MYRIP: variants seen among roughly 807,000 people sequenced by gnomAD.
MYRIP encodes rab effector MyRIP.
MYRIP carries 49 observed loss-of-function variants against 98.0 expected under a neutral mutation model. That is an observed-to-expected ratio of 0.50 (90% CI 0.40 to 0.63). MYRIP has a LOEUF of 0.63. Ranked by LOEUF, MYRIP falls within the 30% of genes least tolerant of loss-of-function variation. MYRIP has a pLI of 0.00. For missense variants in MYRIP, 1,004 were observed against 1,058.2 expected (o/e 0.95, Z 0.71); for synonymous variants, 404 against 409.5 (o/e 0.99, Z 0.16).
intron 2 of MYRIP, among the ~76,000 whole-genome samples, chr3:39,926,665 G>C (rs1276512902): frequency 6.6e-6 from 1 of 151,826 alleles, no homozygotes; most frequent in Admixed American, 6.6e-5. Context: ...TCTATGTCTG[G>C]ATTTTCTATT....
At chr3:40,194,482 G>A (rs1402524629) in intron 10 of MYRIP, among the ~76,000 whole-genome samples, 2 of 151,820 alleles carry the variant, frequency 1.3e-5, no homozygotes, top group African/African-American at 4.8e-5. Context: ...GTTGCAATCT[G>A]GTGGATGGTC....
In MYRIP at chr3:40,038,111, C is replaced by T. The variant is rs145478667; in HGVS notation, c.111-5939C>T. ...TGAATACCAAGGAATTTATTTGAGA[C>T]GCTCTGATCAAAATGTTAAAAAAAA... On this transcript the variant is annotated intron_variant, in intron 2 of 16. Transcript: ENST00000302541. Among the ~76,000 whole-genome samples, 450 of 127,544 alleles carry T rather than the reference C, an allele frequency of 3.5e-3. 1 individual carries two copies. Among genetic ancestry groups the T allele is most frequent in the African/African-American group, 0.012 (425 of 35,924 alleles). The allele number at this position is 127,544 out of a possible 152,430, so 83.7% of individuals were successfully genotyped here.
chr3:40,176,908 CAAAAAA>C lies in MYRIP; in HGVS notation c.874-5300_874-5295del, dbSNP rs143992737. 9.0e-4 allele frequency among the ~76,000 whole-genome samples: 98 copies of C among 109,144 alleles called. 1 individual carries two copies. Among genetic ancestry groups the C allele is most frequent in the Middle Eastern group, 9.7e-3 (2 of 206 alleles). 71.6% of individuals were successfully genotyped at this position (109,144 alleles called of 152,430 possible). A position where few individuals can be genotyped will look rare whatever the true frequency, so the allele number is the denominator to read the frequency against. On this transcript the variant is annotated intron_variant, in intron 8 of 16. Transcript: ENST00000302541. Reference sequence around the variant, plus strand: ...TGGGCAACAAGAGCAAACTCCATCTCAAAAAAAAAAAAAAAAAGAAAAGAAAAGAAA... The same window carrying C: ...TGGGCAACAAGAGCAAACTCCATCTCAAAAAAAAAAAGAAAAGAAAAGAAA...
chr3:39,809,333 G>A (rs906179951), upstream of MYRIP, among the ~76,000 whole-genome samples: 3 of 150,970 alleles, frequency 2.0e-5, no homozygotes, highest in Non-Finnish European at 4.4e-5. Context: ...AGAGCCCCGG[G>A]AGGGGCGCGG....
chr3:40,224,052 G>A (rs779743457), intron 11 of MYRIP, among the ~76,000 whole-genome samples: 4 of 152,182 alleles, frequency 2.6e-5, no homozygotes, highest in Admixed American at 1.3e-4. Flanking sequence ...ACAAGTCCAA[G>A]GGACAGATAG....
chr3:40,147,509 A>G (rs1181397123), intron 3 of MYRIP, among the ~76,000 whole-genome samples: 1 of 152,172 alleles, frequency 6.6e-6, no homozygotes, highest in Non-Finnish European at 1.5e-5. Flanking sequence ...AATTATATAA[A>G]TATTATCTTC....
chr3:40,215,117 A>G (rs1952076842), intron 11 of MYRIP, among the ~76,000 whole-genome samples: 1 of 152,210 alleles, frequency 6.6e-6, no homozygotes, highest in African/African-American at 2.4e-5. Context: ...CTAGATTAGG[A>G]AAATCTTGCA....
chr3:39,907,260 A>T (rs991129682), intron 2 of MYRIP, among the ~76,000 whole-genome samples: 2 of 152,178 alleles, frequency 1.3e-5, no homozygotes, highest in African/African-American at 4.8e-5. Context: ...CATCAGTATA[A>T]ATATATAGAT....
intron 8 of MYRIP, chr3:40,173,087 TA>T (rs1360728993): frequency 4.6e-5 from 7 of 152,200 alleles, no homozygotes; most frequent in Non-Finnish European, 2.9e-5. Context: ...GCTTAAACAG[TA>T]ATGTTAATAA....
chr3:39,977,015 T>C (rs1945770339), intron 2 of MYRIP, among the ~76,000 whole-genome samples: 1 of 152,154 alleles, frequency 6.6e-6, no homozygotes, highest in Non-Finnish European at 1.5e-5. Context: ...CTGCACGTTG[T>C]GCACATGTAC....
chr3:39,902,240 G>T (rs11717059), intron 2 of MYRIP, among the ~76,000 whole-genome samples: 20,870 of 152,174 alleles, frequency 0.14, 1,511 homozygotes, highest in Middle Eastern at 0.17. Context: ...TGCCAACTTG[G>T]CATTTATGTA....
chr3:39,999,752 G>A (rs4676551), intron 2 of MYRIP, among the ~76,000 whole-genome samples: 73,693 of 151,824 alleles, frequency 0.49, 19,052 homozygotes, highest in African/African-American at 0.69. Context: ...CACTATTCAC[G>A]ATAGCAAAGA....
chr3:39,830,791 C>T (rs904093745), intron 1 of MYRIP, among the ~76,000 whole-genome samples: 34 of 152,018 alleles, frequency 2.2e-4, no homozygotes, highest in Admixed American at 9.8e-4. Context: ...ACTTCCACTC[C>T]GAGCTATGGC....
At chr3:39,809,589 TGTC>T (rs1278005800), upstream of MYRIP, 1 of 151,118 alleles carries the variant, frequency 6.6e-6, no homozygotes, top group East Asian at 2.0e-4. Flanking sequence ...GGCCAGCAGG[TGTC>T]GGCGGTGGCT....
At chr3:40,105,419 G>A (rs1364731339) in intron 3 of MYRIP, among the ~76,000 whole-genome samples, 2 of 152,174 alleles carry the variant, frequency 1.3e-5, no homozygotes. Context: ...TCTGCAGGCT[G>A]TACAGGAAGC....
At chr3:40,077,953 TG>T (rs1948386854) in intron 3 of MYRIP, among the ~76,000 whole-genome samples, 2 of 152,178 alleles carry the variant, frequency 1.3e-5, no homozygotes, top group Non-Finnish European at 1.5e-5. Context: ...CGGTGGTTGA[TG>T]GGACTGGGCG....
chr3:40,072,313 A>T (rs920113777), intron 3 of MYRIP, among the ~76,000 whole-genome samples: 2 of 152,018 alleles, frequency 1.3e-5, no homozygotes, highest in Non-Finnish European at 2.9e-5. Context: ...AGTTCAAGCA[A>T]TTCTCATGTT....
rs138177481 is a variant in MYRIP at position 39,923,699 on chromosome 3, T to C, written c.110+22773T>C. ...GAACATCAAGAAGGAAGAAAGAACA[T>C]GGCAAGCAAAAATATTGATAAATAC... On this transcript the variant is annotated intron_variant, in intron 2 of 16. Transcript: ENST00000302541. Among the ~76,000 whole-genome samples the C allele has an allele frequency of 5.3e-4, 80 of 152,236 alleles. 1 individual carries two copies. The East Asian group carries it at 0.014, about 26-fold the overall frequency.
At position 39,874,140 on chromosome 3, in the gene MYRIP, T is replaced by G. The variant is rs1942900361; in HGVS notation, c.-30-26647T>G. Among the ~76,000 whole-genome samples the G allele has an allele frequency of 3.3e-5, 5 of 152,048 alleles. No homozygotes were observed. In the South Asian group the frequency reaches 1.0e-3, roughly 32 times the overall value. Reference sequence around the variant, plus strand: ...TTCACTCATGATTTGGCTCTCTGTTTGTCTGTTGTTGGCGTATAAGAATGC... The same window carrying G: ...TTCACTCATGATTTGGCTCTCTGTTGGTCTGTTGTTGGCGTATAAGAATGC... On this transcript the variant is annotated intron_variant, in intron 1 of 16. Coordinates refer to ENST00000302541, the MANE Select transcript of MYRIP (RefSeq NM_015460.4).
Sources: gnomAD v4.1 joint callset for allele counts (sites outside exome capture counted in the v4.1 genomes callset) on GRCh38, gnomAD v4.1.1 for gene constraint, MANE v1.5 for transcripts, NCBI Gene and HGNC (gene_info 2026-07-23, HGNC 2026-07-21) for gene names.